The following KCNMA1 variants were observed in gnomAD, a reference collection of about 807,000 sequenced individuals.
The protein encoded by KCNMA1 is Calcium-activated potassium channel subunit alpha-1.
A neutral mutation model predicts 140.0 loss-of-function variants in KCNMA1; 29 were observed. The ratio of observed to expected loss-of-function variants is 0.21; its 90% confidence interval spans 0.15 to 0.28. The LOEUF (loss-of-function observed/expected upper bound fraction) is 0.28, where lower values mean the gene tolerates loss of function less well. Among genes scored for constraint, KCNMA1 ranks in the 10% least tolerant of loss-of-function variants. The pLI is 1.00. For synonymous variants in KCNMA1, 612 were observed against 611.9 expected, an observed-to-expected ratio of 1.00 and a Z score of 0.00; for missense variants, 880 against 1,602.2, an observed-to-expected ratio of 0.55 and a Z score of 7.70.
chr10:77,221,910 G>T (rs1001632010), intron 3 of KCNMA1, among the ~76,000 whole-genome samples: 4 of 152,190 alleles, frequency 2.6e-5, no homozygotes, highest in African/African-American at 9.7e-5. Flanking sequence ...CCAGACAGAT[G>T]CAGGTTCAAA....
chr10:76,996,185 T>A (rs771372983), intron 19 of KCNMA1, among the ~76,000 whole-genome samples: 2 of 152,212 alleles, frequency 1.3e-5, no homozygotes, highest in Non-Finnish European at 2.9e-5. Context: ...TCTTGACAGA[T>A]GAGCGATGTA....
chr10:76,887,060 G>A lies in KCNMA1; in HGVS notation c.*206C>T, dbSNP rs372996852. 71 of 1,481,658 alleles carry A rather than the reference G, an allele frequency of 4.8e-5. No homozygotes were observed. In the Admixed American group the frequency reaches 9.3e-4, roughly 19 times the overall value. 91.8% of individuals were successfully genotyped at this position (1,481,658 alleles called of 1,614,324 possible). On this transcript the variant is annotated 3_prime_UTR_variant, in exon 28 of 28. Coordinates refer to ENST00000286628, the MANE Select transcript of KCNMA1 (RefSeq NM_001161352.2). ...CAGAATCATAAATAACTTTTGGTCCGTCTGCTTATTTGCTGTTGTGCTCAA... is the reference window on the plus strand; with the variant it reads ...CAGAATCATAAATAACTTTTGGTCCATCTGCTTATTTGCTGTTGTGCTCAA...
chr10:76,976,538 G>A (rs1416985414), intron 19 of KCNMA1, among the ~76,000 whole-genome samples: 1 of 152,040 alleles, frequency 6.6e-6, no homozygotes, highest in East Asian at 1.9e-4. Context: ...AATCCAATTG[G>A]GTAAATTAGA....
intron 23 of KCNMA1, among the ~76,000 whole-genome samples, chr10:76,942,003 G>T (rs2062596020): frequency 6.6e-6 from 1 of 152,024 alleles, no homozygotes; most frequent in Admixed American, 6.5e-5. Flanking sequence ...ACAGAGTCTT[G>T]CTCTGTCACC....
At chr10:76,953,768 C>A (rs201892905) in intron 21 of KCNMA1, 33 bp downstream of exon 21, 1 of 1,613,756 alleles carries the variant, frequency 6.2e-7, no homozygotes, top group Non-Finnish European at 8.5e-7. Flanking sequence ...GGGGCAGAAG[C>A]GGGCAACATC....
intron 2 of KCNMA1, among the ~76,000 whole-genome samples, chr10:77,302,135 A>G (rs372667122): frequency 7.2e-5 from 11 of 152,118 alleles, no homozygotes; most frequent in African/African-American, 2.7e-4. Context: ...TAAGGTCACA[A>G]AGATAGTAAA....
intron 5 of KCNMA1, 90 bp downstream of exon 5, chr10:77,183,331 T>C (rs2098817854): frequency 3.6e-6 from 3 of 844,376 alleles, no homozygotes; most frequent in Admixed American, 1.8e-5. Flanking sequence ...ACATTGTTTG[T>C]AGGGAGACAG....
intron 1 of KCNMA1, among the ~76,000 whole-genome samples, chr10:77,419,477 C>T (rs896475517): frequency 1.8e-4 from 28 of 152,214 alleles, no homozygotes; most frequent in African/African-American, 5.8e-4. Flanking sequence ...GTTTTTCTTA[C>T]TAGAAGCTAG....
At chr10:76,972,060 G>C (rs547223289) in intron 19 of KCNMA1, among the ~76,000 whole-genome samples, 1 of 152,146 alleles carries the variant, frequency 6.6e-6, no homozygotes, top group East Asian at 1.9e-4. Flanking sequence ...CTAACTAGAC[G>C]TATAAGACAA....
At chr10:76,871,619 G>A (rs1413073864) in exon 28 of KCNMA1, 1 of 152,120 alleles carries the variant, frequency 6.6e-6, no homozygotes, top group Non-Finnish European at 1.5e-5. Flanking sequence ...TCTTACCATC[G>A]TGAGGACACA....
At chr10:77,575,485 T>C (rs1036306938) in intron 1 of KCNMA1, among the ~76,000 whole-genome samples, 1 of 152,192 alleles carries the variant, frequency 6.6e-6, no homozygotes, top group Admixed American at 6.5e-5. Flanking sequence ...TGGCTGCACC[T>C]TTCTGGACAG....
In KCNMA1 at chr10:77,302,945, G is replaced by T. The variant is rs760951931; in HGVS notation, c.541-51689C>A. Among the ~76,000 whole-genome samples the T allele has an allele frequency of 2.0e-3, 300 of 152,062 alleles. 1 individual carries two copies. The highest frequency in any genetic ancestry group is 1.8e-3 in the Non-Finnish European group (124 of 67,974). On this transcript the variant is annotated intron_variant, in intron 2 of 27. Coordinates refer to ENST00000286628, the MANE Select transcript of KCNMA1 (RefSeq NM_001161352.2). Reference sequence around the variant, plus strand: ...AACTGGCTTTGGTTTGCAGGGGGGGGTTTCACTGGGGACTCACCTGTGTTT... The same window carrying T: ...AACTGGCTTTGGTTTGCAGGGGGGGTTTTCACTGGGGACTCACCTGTGTTT...
intron 23 of KCNMA1, among the ~76,000 whole-genome samples, chr10:76,916,897 A>G (rs2053166029): frequency 6.6e-6 from 1 of 152,228 alleles, no homozygotes; most frequent in South Asian, 2.1e-4. Flanking sequence ...ACTGAGTGCC[A>G]TACTTTCAAA....
At chr10:77,596,025 G>C (rs1310941234) in intron 1 of KCNMA1, among the ~76,000 whole-genome samples, 1 of 152,136 alleles carries the variant, frequency 6.6e-6, no homozygotes, top group Non-Finnish European at 1.5e-5. Flanking sequence ...CCACATAAGA[G>C]ACTAATAAGC....
intron 9 of KCNMA1, among the ~76,000 whole-genome samples, chr10:77,099,793 T>A (rs2097051534): frequency 6.6e-6 from 1 of 151,718 alleles, no homozygotes; most frequent in African/African-American, 2.4e-5. Flanking sequence ...AGGACCTTTG[T>A]GGGGTCTGGA....
At chr10:77,359,852 C>G (rs2093800667) in intron 2 of KCNMA1, among the ~76,000 whole-genome samples, 1 of 152,212 alleles carries the variant, frequency 6.6e-6, no homozygotes, top group South Asian at 2.1e-4. Flanking sequence ...ATTTCTGTAT[C>G]CCCAGCACCT....
intron 5 of KCNMA1, among the ~76,000 whole-genome samples, chr10:77,155,557 C>T (rs533293131): frequency 6.6e-6 from 1 of 152,154 alleles, no homozygotes. Context: ...TCCCTGGAAG[C>T]ACGCTCAGCC....
chr10:77,026,715 G>A (rs910240773), intron 16 of KCNMA1, among the ~76,000 whole-genome samples: 12 of 152,206 alleles, frequency 7.9e-5, no homozygotes, highest in African/African-American at 2.4e-5. Flanking sequence ...GACTTTGTGA[G>A]CAATCTGATC....
At chr10:76,932,369 C>G (rs1381437678) in intron 23 of KCNMA1, among the ~76,000 whole-genome samples, 1 of 151,950 alleles carries the variant, frequency 6.6e-6, no homozygotes, top group African/African-American at 2.4e-5. Flanking sequence ...TTTGATAAGC[C>G]AGGTGCATTT....
Sources: allele counts gnomAD v4.1 joint callset (sites outside exome capture counted in the v4.1 genomes callset), GRCh38; gene constraint gnomAD v4.1.1; transcripts MANE v1.5; gene names NCBI Gene and HGNC (gene_info 2026-07-23, HGNC 2026-07-21).